Variants in BCR observed in about 807,000 individuals in gnomAD.
BCR encodes the protein breakpoint cluster region protein.
A neutral mutation model predicts 138.6 loss-of-function variants in BCR; 58 were observed. That is an observed-to-expected ratio of 0.42 (90% CI 0.34 to 0.52). The LOEUF is 0.52. Ranked by LOEUF, BCR falls within the 20% of genes least tolerant of loss-of-function variation. The pLI is 0.06. For synonymous variants in BCR, 786 were observed against 730.1 expected (o/e 1.08, Z -1.23); for missense variants, 1,599 against 1,727.2 (o/e 0.93, Z 1.32).
chr22:23,239,600 C>A (rs2073065740), intron 1 of BCR, among the ~76,000 whole-genome samples: 1 of 152,194 alleles, frequency 6.6e-6, no homozygotes, highest in Non-Finnish European at 1.5e-5. Flanking sequence ...CTGAGCTCCA[C>A]AATGACTTCA....
At chr22:23,308,499 G>T (rs1012706351) in intron 16 of BCR, among the ~76,000 whole-genome samples, 8 of 152,068 alleles carry the variant, frequency 5.3e-5, no homozygotes, top group African/African-American at 1.9e-4. Context: ...TAGGGACAGG[G>T]TTTCACCATG....
chr22:23,194,391 AT>A (rs1244638787), intron 1 of BCR, among the ~76,000 whole-genome samples: 30 of 139,934 alleles, frequency 2.1e-4, no homozygotes, highest in Admixed American at 8.5e-4. Context: ...GTGGGTCTCC[AT>A]TTTTTTTTTC....
chr22:23,300,175 TC>T (rs1364031596), intron 16 of BCR, among the ~76,000 whole-genome samples: 1 of 152,028 alleles, frequency 6.6e-6, no homozygotes, highest in Non-Finnish European at 1.5e-5. Flanking sequence ...AAACAATAAC[TC>T]CCAGGGGGGC....
chr22:23,261,603 TG>T (rs1206253947), intron 4 of BCR, 63 bp downstream of exon 4: 51 of 1,569,138 alleles, frequency 3.3e-5, no homozygotes, highest in Non-Finnish European at 4.2e-5. Context: ...GCTAATTTTT[TG>T]CATTTTTAGT....
At chr22:23,193,048 G>A (rs530884114) in intron 1 of BCR, among the ~76,000 whole-genome samples, 4 of 152,280 alleles carry the variant, frequency 2.6e-5, no homozygotes, top group African/African-American at 2.4e-5. Context: ...TGAGCAGCCC[G>A]GGGAGATCCT....
chr22:23,203,963 G>A (rs2072583735), intron 1 of BCR, among the ~76,000 whole-genome samples: 1 of 152,166 alleles, frequency 6.6e-6, no homozygotes, highest in Admixed American at 6.5e-5. Flanking sequence ...GCAGAAGCTG[G>A]GCTGGGACGG....
intron 14 of BCR, chr22:23,291,191 G>C (rs1003964117): frequency 2.0e-5 from 3 of 146,638 alleles, no homozygotes; most frequent in African/African-American, 5.1e-5. Context: ...CTGGGCGACA[G>C]AGCAAGACTC....
chr22:23,261,405 G>A lies in BCR; in HGVS notation c.1617G>A (p.Thr539=), dbSNP rs1055660251. 3 of 1,613,772 alleles carry A rather than the reference G, an allele frequency of 1.9e-6. No homozygotes were observed. Among genetic ancestry groups the A allele is most frequent in the South Asian group, 2.2e-5 (2 of 91,070 alleles). ...CCACCACCTCTCAGCCGGTGCTGAC[G>A]AGTCAGCAGATCGAGACCATCTTCT... ...AAATTSQPVL[T]SQQIETIFFK... Residue 539 remains threonine (T), a synonymous_variant, in exon 4 of 23, where the codon ACG becomes ACA. Transcript: ENST00000305877.
chr22:23,208,992 G>C (rs960986822), intron 1 of BCR, among the ~76,000 whole-genome samples: 1 of 152,294 alleles, frequency 6.6e-6, no homozygotes, highest in East Asian at 1.9e-4. Context: ...TATAGCCTTC[G>C]TCTTTTGTTC....
At chr22:23,263,812 C>G in intron 4 of BCR, 1 of 1,251,920 alleles carries the variant, frequency 8.0e-7, no homozygotes, top group Middle Eastern at 1.9e-4. Flanking sequence ...CCTTTGGCCT[C>G]AGGCCAGCTG....
At position 23,181,373 on chromosome 22, in the gene BCR, C is replaced by T; in HGVS notation, c.413C>T (p.Ala138Val). 2 of 1,531,800 alleles carry T rather than the reference C, an allele frequency of 1.3e-6. No individual in the cohort carries two copies. The highest frequency in any genetic ancestry group is 1.9e-4 in the Middle Eastern group (1 of 5,372). The allele number at this position is 1,531,800 out of a possible 1,614,324, so 94.9% of individuals were successfully genotyped here. ...ACCGCCCGCAGGCCCGGGGCAGCCG[C>T]GTCGGGGGAACGGGACGACCGGGGA... ...PGTARRPGAA[A>V]SGERDDRGPP... is the part of the protein sequence containing the mutation. Residue 138 changes from alanine (A) to valine (V), a missense_variant, in exon 1 of 23, where the codon GCG becomes GTG. By Grantham distance (64) the Ala-to-Val change is moderately conservative. This residue lies in a region of BCR where 806 missense variants were observed against 635.0 expected (regional missense o/e 1.27). Coordinates refer to ENST00000305877, the MANE Select transcript of BCR (RefSeq NM_004327.4).
intron 1 of BCR, among the ~76,000 whole-genome samples, chr22:23,253,428 G>A (rs1241879762): frequency 6.6e-6 from 1 of 152,172 alleles, no homozygotes; most frequent in East Asian, 1.9e-4. Flanking sequence ...CCAGCCACCT[G>A]TCATTTACTA....
chr22:23,263,540 CT>C, intron 4 of BCR: 1 of 1,575,500 alleles, frequency 6.3e-7, no homozygotes. Context: ...TCATCCTGGC[CT>C]ACCAGTTCCG....
chr22:23,293,604 G>T (rs1743997594), intron 15 of BCR, among the ~76,000 whole-genome samples: 2 of 152,174 alleles, frequency 1.3e-5, no homozygotes, highest in African/African-American at 2.4e-5. Context: ...CCTTTGCAGA[G>T]ACCAAGAGTG....
At chr22:23,233,705 G>A (rs968674205) in intron 1 of BCR, among the ~76,000 whole-genome samples, 2 of 150,756 alleles carry the variant, frequency 1.3e-5, no homozygotes, top group South Asian at 2.1e-4. Context: ...CACAAGAATC[G>A]CTTGAACCCA....
rs1308475566 is a variant in BCR at position 23,180,901 on chromosome 22, C to A, written c.-60C>A. The A allele has an allele frequency of 3.2e-5, 32 of 1,005,156 alleles. No homozygotes were observed. The highest frequency in any genetic ancestry group is 3.8e-5 in the Non-Finnish European group (32 of 842,214). 62.3% of individuals were successfully genotyped at this position (1,005,156 alleles called of 1,614,324 possible). On this transcript the variant is annotated 5_prime_UTR_variant, in exon 1 of 23. Coordinates refer to ENST00000305877, the MANE Select transcript of BCR (RefSeq NM_004327.4). ...CCGGGGCCGGGCTGGCGAGGCGCCG[C>A]GCCGCCGCTGAGACGGGCCCCGCGC...
chr22:23,293,606 C>A (rs908787982), intron 15 of BCR, among the ~76,000 whole-genome samples: 1 of 152,116 alleles, frequency 6.6e-6, no homozygotes, highest in South Asian at 2.1e-4. Flanking sequence ...TTTGCAGAGA[C>A]CAAGAGTGCC....
intron 1 of BCR, among the ~76,000 whole-genome samples, chr22:23,217,486 A>G (rs1055009240): frequency 2.0e-5 from 3 of 152,180 alleles, no homozygotes; most frequent in African/African-American, 7.2e-5. Context: ...GACCCAGGCC[A>G]TGGGGGCATT....
chr22:23,200,697 G>A (rs4820545), intron 1 of BCR, among the ~76,000 whole-genome samples: 19,787 of 151,998 alleles, frequency 0.13, 1,394 homozygotes, highest in Non-Finnish European at 0.15. Flanking sequence ...TAGCTGGGAC[G>A]GCAGGCACAT....
Sources: allele counts gnomAD v4.1 joint callset (sites outside exome capture counted in the v4.1 genomes callset), GRCh38; gene constraint gnomAD v4.1.1; regional missense constraint gnomAD v4.1.1; transcripts MANE v1.5; gene names NCBI Gene and HGNC (gene_info 2026-07-23, HGNC 2026-07-21).